CCDC91: variants seen among roughly 807,000 people sequenced by gnomAD.
CCDC91 encodes the protein coiled-coil domain containing 91.
A neutral mutation model predicts 63.2 loss-of-function variants in CCDC91; 48 were observed. The observed-to-expected ratio is 0.76, with a 90% confidence interval of 0.60 to 0.97. CCDC91 has a LOEUF of 0.97. Ranked by LOEUF, CCDC91 falls within the 50% of genes least tolerant of loss-of-function variation. CCDC91 has a pLI of 0.00. For synonymous variants in CCDC91, 167 were observed against 165.8 expected (o/e 1.01, Z -0.06); for missense variants, 500 against 494.6 (o/e 1.01, Z -0.10).
intron 8 of CCDC91, among the ~76,000 whole-genome samples, chr12:28,414,972 CT>C (rs1320608918): frequency 6.6e-6 from 1 of 152,082 alleles, no homozygotes; most frequent in Non-Finnish European, 1.5e-5. Context: ...AAATTAAACT[CT>C]TTCTTTCTTT....
Position 28,450,398 on chromosome 12 carries a change from G to T in CCDC91, c.904G>T (p.Ala302Ser). The T allele has an allele frequency of 6.2e-7, 1 of 1,611,870 alleles. No homozygotes were observed. Among genetic ancestry groups the T allele is most frequent in the Non-Finnish European group, 8.5e-7 (1 of 1,178,334 alleles). Residue 302 changes from alanine to serine, a missense_variant, in exon 10 of 13, where the codon GCA (alanine) becomes TCA (serine). Ala to Ser is a moderately conservative substitution (Grantham distance 99). Coordinates refer to ENST00000536442, the MANE Select transcript of CCDC91 (RefSeq NM_018318.5). ...LEEERQRNKE[A>S]LVSAAKLEKE... Reference sequence around the variant, plus strand: ...GGAAGAAAGGCAAAGAAATAAAGAGGCATTAGTATCCGCTGCAAAGGTATT... The same window carrying T: ...GGAAGAAAGGCAAAGAAATAAAGAGTCATTAGTATCCGCTGCAAAGGTATT...
chr12:28,219,901 A>G (rs1263816082), intron 1 of CCDC91, among the ~76,000 whole-genome samples: 2 of 152,216 alleles, frequency 1.3e-5, no homozygotes, highest in Admixed American at 6.5e-5. Context: ...TCTAATTTGT[A>G]TAATATGAAT....
At chr12:28,243,981 A>G (rs1264962144) in intron 1 of CCDC91, among the ~76,000 whole-genome samples, 5 of 152,246 alleles carry the variant, frequency 3.3e-5, no homozygotes, top group Non-Finnish European at 7.3e-5. Context: ...TGACAATTAC[A>G]GATGTATTTC....
At chr12:28,219,939 A>G (rs1359120839) in intron 1 of CCDC91, among the ~76,000 whole-genome samples, 1 of 152,036 alleles carries the variant, frequency 6.6e-6, no homozygotes, top group Non-Finnish European at 1.5e-5. Context: ...CTTTTGATTG[A>G]TGTTTGCATG....
At chr12:28,468,673 T>C (rs1950659342) in intron 11 of CCDC91, among the ~76,000 whole-genome samples, 1 of 152,020 alleles carries the variant, frequency 6.6e-6, no homozygotes, top group Non-Finnish European at 1.5e-5. Flanking sequence ...TGTTAAATAT[T>C]GATGCAAAAA....
At chr12:28,302,514 A>C in intron 3 of CCDC91, 1 of 398,482 alleles carries the variant, frequency 2.5e-6, no homozygotes, top group Non-Finnish European at 3.4e-6. Context: ...AAGGCTGCAT[A>C]ATGCATAAAT....
chr12:28,284,016 C>G (rs1948762903), intron 3 of CCDC91, among the ~76,000 whole-genome samples: 2 of 152,134 alleles, frequency 1.3e-5, no homozygotes, highest in African/African-American at 4.8e-5. Flanking sequence ...CTTCTGAAAT[C>G]AGATTTCTCT....
At chr12:28,271,878 C>T (rs1345080508) in intron 3 of CCDC91, among the ~76,000 whole-genome samples, 1 of 148,944 alleles carries the variant, frequency 6.7e-6, no homozygotes, top group African/African-American at 2.4e-5. Context: ...GAAATACATA[C>T]TCAATACATA....
At chr12:28,294,855 G>A (rs544436823) in intron 3 of CCDC91, among the ~76,000 whole-genome samples, 35 of 152,256 alleles carry the variant, frequency 2.3e-4, no homozygotes, top group Middle Eastern at 3.4e-3. Flanking sequence ...AAAGTGCTGG[G>A]ATTACAGGTT....
At chr12:28,450,058 A>C in intron 8 of CCDC91, 103 bp from the exon 9 acceptor site, 1 of 636,586 alleles carries the variant, frequency 1.6e-6, no homozygotes. Flanking sequence ...TTCCTTTTGT[A>C]ACTACTTCAA....
chr12:28,260,478 G>T (rs1946751844), intron 3 of CCDC91, among the ~76,000 whole-genome samples: 1 of 151,890 alleles, frequency 6.6e-6, no homozygotes. Flanking sequence ...TATTTCCTTT[G>T]CTGGGAATTG....
intron 1 of CCDC91, among the ~76,000 whole-genome samples, chr12:28,223,345 A>G (rs1041199760): frequency 6.6e-6 from 1 of 152,092 alleles, no homozygotes; most frequent in African/African-American, 2.4e-5. Flanking sequence ...TAACATATCT[A>G]GTACCTGTCT....
Position 28,461,217 on chromosome 12 carries a change from C to T in CCDC91, c.1101+8563C>T, listed in dbSNP as rs1351508396. On this transcript the variant is annotated intron_variant, in intron 11 of 12. Transcript: ENST00000536442. ...TATCATCATATGGTCTATGACTGTA[C>T]AAACTGAAACTATGAAATCACAGTT... 2.0e-5 allele frequency among the ~76,000 whole-genome samples: 3 copies of T among 152,002 alleles called. No individual in the cohort carries two copies. In the East Asian group the frequency reaches 5.8e-4, roughly 29 times the overall value.
chr12:28,280,396 G>A (rs1948526756), intron 3 of CCDC91, among the ~76,000 whole-genome samples: 1 of 151,926 alleles, frequency 6.6e-6, no homozygotes, highest in African/African-American at 2.4e-5. Flanking sequence ...CCATCTGAGT[G>A]TGTTTTATGG....
intron 8 of CCDC91, 130 bp downstream of exon 8, chr12:28,391,541 A>G: frequency 1.9e-6 from 1 of 526,010 alleles, no homozygotes; most frequent in Non-Finnish European, 3.4e-6. Context: ...GTGCTTATGT[A>G]AACTCAAAGA....
At chr12:28,260,209 G>GA (rs1489108139) in intron 3 of CCDC91, among the ~76,000 whole-genome samples, 2 of 151,994 alleles carry the variant, frequency 1.3e-5, no homozygotes, top group African/African-American at 4.8e-5. Context: ...TGGGAAGAAT[G>GA]ATGATTTTAT....
chr12:28,257,685 A>G (rs1404812675), intron 2 of CCDC91, among the ~76,000 whole-genome samples: 1 of 152,104 alleles, frequency 6.6e-6, no homozygotes, highest in Non-Finnish European at 1.5e-5. Flanking sequence ...TTATAAAGTT[A>G]ATTAGTATGT....
chr12:28,224,248 A>G (rs183067095), intron 1 of CCDC91, among the ~76,000 whole-genome samples: 2 of 152,282 alleles, frequency 1.3e-5, no homozygotes, highest in Admixed American at 1.3e-4. Flanking sequence ...GTCATCCCAT[A>G]TGATTTTGGG....
intron 12 of CCDC91, among the ~76,000 whole-genome samples, chr12:28,500,018 CTT>C (rs1243046794): frequency 6.6e-6 from 1 of 152,064 alleles, no homozygotes; most frequent in Non-Finnish European, 1.5e-5. Flanking sequence ...TGTTTCCTGA[CTT>C]TTTAATGATC....
Sources: gnomAD v4.1 joint callset for allele counts (sites outside exome capture counted in the v4.1 genomes callset) on GRCh38, gnomAD v4.1.1 for gene constraint, MANE v1.5 for transcripts, NCBI Gene and HGNC (gene_info 2026-07-23, HGNC 2026-07-21) for gene names.